Variants in PRKACA observed in about 807,000 individuals in gnomAD.
PRKACA encodes protein kinase cAMP-activated catalytic subunit alpha, also known as cAMP-dependent protein kinase catalytic subunit alpha.
A neutral mutation model predicts 45.8 loss-of-function variants in PRKACA; 9 were observed. The observed-to-expected ratio is 0.20, with a 90% CI of 0.12 to 0.34. The LOEUF (loss-of-function observed/expected upper bound fraction) is 0.34, where lower values mean the gene tolerates loss of function less well. Among genes scored for constraint, PRKACA ranks in the 10% least tolerant of loss-of-function variants. The pLI, the probability that PRKACA is intolerant of heterozygous loss-of-function variation, is 1.00. For missense variants in PRKACA, 238 were observed against 458.6 expected (o/e 0.52, Z 4.39); for synonymous variants, 160 against 178.6 (o/e 0.90, Z 0.83).
chr19:14,098,917 CA>C (rs1977354238), intron 5 of PRKACA, among the ~76,000 whole-genome samples: 1 of 151,618 alleles, frequency 6.6e-6, no homozygotes, highest in African/African-American at 2.4e-5. Flanking sequence ...ATACAACTGT[CA>C]AAACTTGTAG....
rs1178454257 is a variant in PRKACA, at chr19:14,107,637, C to T, written c.47-228G>A. 8.9e-6 allele frequency: 12 copies of T among 1,344,228 alleles called. No individual in the cohort carries two copies. In the East Asian group the frequency reaches 3.4e-4, roughly 38 times the overall value. The allele number at this position is 1,344,228 out of a possible 1,614,324, so 83.3% of individuals were successfully genotyped here. On this transcript the variant is annotated intron_variant, in intron 1 of 9. Coordinates refer to ENST00000308677, the MANE Select transcript of PRKACA (RefSeq NM_002730.4). ...ATCCAAAGTGGGGTACAGAGAGTCT[C>T]AGGGGTCACTCGCAGGGGAACGGAG...
chr19:14,107,197 C>A (rs936667694), intron 2 of PRKACA, 151 bp downstream of exon 2: 31 of 881,040 alleles, frequency 3.5e-5, no homozygotes, highest in Middle Eastern at 7.1e-4. Flanking sequence ...TGTCTCCACA[C>A]AGGAGCCCCC....
chr19:14,097,947 C>G lies in PRKACA; in HGVS notation c.420-57G>C. The G allele has an allele frequency of 6.2e-7, 1 of 1,605,482 alleles. No homozygotes were observed. Among genetic ancestry groups the G allele is most frequent in the Non-Finnish European group, 8.5e-7 (1 of 1,174,238 alleles). ...GTGGTCATGCCCCAAAATGGTCCAG[C>G]AGGTGGCCCTGCAGAGCCTACCCCA... On this transcript the variant is annotated intron_variant, in intron 5 of 9. Transcript: ENST00000308677. The surrounding 1 kb of genome is among the most constrained non-coding windows in gnomAD (Gnocchi z 5.4).
At position 14,097,296 on chromosome 19, in the gene PRKACA, A is replaced by G. The variant is rs17463; in HGVS notation, c.765+65T>C. 637 of 1,605,748 alleles carry G rather than the reference A, an allele frequency of 4.0e-4. 5 individuals carry two copies. Among genetic ancestry groups the G allele is most frequent in the Non-Finnish European group, 4.6e-4 (534 of 1,173,408 alleles). ...GACAACAAGCAGGGCTCCCCAGGGA[A>G]TAGGATGGGTGAGCAGGGAACGGTC... On this transcript the variant is annotated intron_variant, in intron 8 of 9. Transcript: ENST00000308677. This position sits in a 1 kb window ranked among gnomAD's most constrained non-coding sequence, Gnocchi z 5.4.
chr19:14,108,967 A>G (rs1977692802), intron 1 of PRKACA, among the ~76,000 whole-genome samples: 1 of 148,426 alleles, frequency 6.7e-6, no homozygotes, highest in South Asian at 2.2e-4. Flanking sequence ...ACCTCAGGTG[A>G]TCTGCCCACC....
At chr19:14,096,056 T>TG (rs1977246077) in intron 8 of PRKACA, among the ~76,000 whole-genome samples, 1 of 147,002 alleles carries the variant, frequency 6.8e-6, no homozygotes, top group Non-Finnish European at 1.5e-5. Context: ...TTTTTTTTTT[T>TG]GAGACAGAGT....
At chr19:14,109,368 G>A (rs760692633) in intron 1 of PRKACA, among the ~76,000 whole-genome samples, 26 of 151,522 alleles carry the variant, frequency 1.7e-4, no homozygotes, top group Non-Finnish European at 7.4e-5. Flanking sequence ...GAATCGCTTC[G>A]ACCCGGGAGG....
intron 5 of PRKACA, among the ~76,000 whole-genome samples, chr19:14,098,948 G>A (rs566210425): frequency 2.0e-5 from 3 of 152,074 alleles, no homozygotes; most frequent in South Asian, 4.1e-4. Flanking sequence ...TTGAAGAACT[G>A]TGCATTTTGT....
Position 14,106,874 on chromosome 19 carries a change from C to T in PRKACA, c.123G>A (p.Leu41=). 3 of 1,614,144 alleles carry T rather than the reference C, an allele frequency of 1.9e-6. No homozygotes were observed. The South Asian group carries it at 3.3e-5, about 18-fold the overall frequency. ...GGGTCTTGATTCGTTCAAACTGATC[C>T]AAGTGGGCTGTGTTCTGTGGGCAGA... is the stretch of plus-strand genomic sequence containing the variant. ...WESPAQNTAH[L]DQFERIKTLG... Residue 41 remains leucine, a synonymous_variant, in exon 3 of 10, where the codon TTG becomes TTA. Transcript: ENST00000308677.
Position 14,116,403 on chromosome 19 carries a change from G to A in PRKACA, c.46+1099C>T, listed in dbSNP as rs183655492. On this transcript the variant is annotated intron_variant, in intron 1 of 9. Coordinates refer to ENST00000308677, the MANE Select transcript of PRKACA (RefSeq NM_002730.4). ...CTGGGAATGATCAGAATCACTAGAC[G>A]TCAAAGCAAATCACTAGACGTCACC... Among the ~76,000 whole-genome samples the A allele has an allele frequency of 8.5e-5, 13 of 152,220 alleles. No individual in the cohort carries two copies. The East Asian group carries it at 2.5e-3, about 29-fold the overall frequency.
chr19:14,103,354 C>T (rs1273287804), intron 3 of PRKACA, among the ~76,000 whole-genome samples: 1 of 152,136 alleles, frequency 6.6e-6, no homozygotes, highest in Non-Finnish European at 1.5e-5. Context: ...TTACCCTTGT[C>T]TAGAACACTC....
chr19:14,107,888 C>T (rs903484214), intron 1 of PRKACA: 4 of 989,388 alleles, frequency 4.0e-6, no homozygotes, highest in Non-Finnish European at 4.8e-6. Context: ...CCCTGTTCCT[C>T]TCCGTGGCAA....
chr19:14,108,287 G>C (rs186989764), intron 1 of PRKACA: 1 of 362,688 alleles, frequency 2.8e-6, no homozygotes, highest in East Asian at 1.6e-4. Flanking sequence ...GTAAAGTGGG[G>C]TGGTTTTGAG....
At chr19:14,116,302 CTT>C (rs1315623930) in intron 1 of PRKACA, among the ~76,000 whole-genome samples, 1 of 152,144 alleles carries the variant, frequency 6.6e-6, no homozygotes, top group Non-Finnish European at 1.5e-5. Flanking sequence ...TAGAGAATCT[CTT>C]TCTCTGGCTG....
intron 2 of PRKACA, among the ~76,000 whole-genome samples, 176 bp from the exon 3 acceptor site, chr19:14,107,064 G>A (rs987092345): frequency 6.6e-6 from 1 of 152,118 alleles, no homozygotes; most frequent in Non-Finnish European, 1.5e-5. Flanking sequence ...CCTTAAGGCG[G>A]GTGGCAGGGG....
intron 3 of PRKACA, among the ~76,000 whole-genome samples, chr19:14,106,185 AAAACAAAAAAC>A (rs576016831): frequency 1.0e-3 from 158 of 152,132 alleles, no homozygotes; most frequent in South Asian, 4.8e-3. Flanking sequence ...CCCCCTGTCT[AAAACAAAAAAC>A]AAACAAACAA....
intron 1 of PRKACA, among the ~76,000 whole-genome samples, chr19:14,116,329 A>G (rs1388304831): frequency 6.6e-6 from 1 of 152,144 alleles, no homozygotes; most frequent in Non-Finnish European, 1.5e-5. Flanking sequence ...GAAAAGACCA[A>G]CCTAATGTGT....
intron 3 of PRKACA, 72 bp from the exon 4 acceptor site, chr19:14,102,986 A>C: frequency 4.1e-6 from 5 of 1,234,036 alleles, no homozygotes; most frequent in Admixed American, 1.7e-5. Flanking sequence ...TAATGCCTGG[A>C]ACTAGGGATG....
Position 14,095,104 on chromosome 19 carries a change from TCTC to T in PRKACA, c.766-1315_766-1313del, listed in dbSNP as rs1977205663. ...ACAAAGAAGGGAGTCATGTGCATCT[TCTC>T]CTGTGGGATCTTCTGTGTTTTTTTC... On this transcript the variant is annotated intron_variant, in intron 8 of 9. Coordinates refer to ENST00000308677, the MANE Select transcript of PRKACA (RefSeq NM_002730.4). Among the ~76,000 whole-genome samples the T allele has an allele frequency of 3.3e-5, 5 of 152,164 alleles. No individual in the cohort carries two copies. The South Asian group carries it at 1.0e-3, about 31-fold the overall frequency.
Sources: allele counts gnomAD v4.1 joint callset (sites outside exome capture counted in the v4.1 genomes callset), GRCh38; gene constraint gnomAD v4.1.1; non-coding constraint Gnocchi (gnomAD v3.1); transcripts MANE v1.5; gene names NCBI Gene and HGNC (gene_info 2026-07-23, HGNC 2026-07-21).